Variants in FOLH1 observed in about 807,000 individuals in gnomAD.
FOLH1 encodes the protein glutamate carboxypeptidase 2.
FOLH1 carries 54 observed loss-of-function variants against 93.9 expected under a neutral mutation model. The ratio of observed to expected loss-of-function variants is 0.57; its 90% CI spans 0.46 to 0.72. FOLH1 has a LOEUF of 0.72. Among genes scored for constraint, FOLH1 ranks in the 30% least tolerant of loss-of-function variants. FOLH1 has a pLI of 0.00. For synonymous variants in FOLH1, 249 were observed against 303.6 expected (o/e 0.82, Z 1.87); for missense variants, 571 against 892.5 (o/e 0.64, Z 4.59).
intron 12 of FOLH1, among the ~76,000 whole-genome samples, chr11:49,165,597 G>T (rs1353882904): frequency 6.6e-6 from 1 of 152,108 alleles, no homozygotes; most frequent in African/African-American, 2.4e-5. Flanking sequence ...CTTGAACTGG[G>T]TTTTCTAGAA....
chr11:49,205,875 C>T (rs1863864643), intron 2 of FOLH1, among the ~76,000 whole-genome samples, 192 bp downstream of exon 2: 1 of 152,184 alleles, frequency 6.6e-6, no homozygotes, highest in Non-Finnish European at 1.5e-5. Context: ...TTGCTGACTC[C>T]TGCTCTAAAC....
chr11:49,208,077 G>T (rs1864171541), intron 1 of FOLH1: 1 of 627,766 alleles, frequency 1.6e-6, no homozygotes, highest in Admixed American at 2.7e-5. Context: ...CTGAGTGACT[G>T]TCCTACCAGC....
intron 13 of FOLH1, among the ~76,000 whole-genome samples, chr11:49,163,515 C>T (rs1409566100): frequency 6.7e-6 from 1 of 148,302 alleles, no homozygotes; most frequent in Non-Finnish European, 1.5e-5. Flanking sequence ...CCCACCACCA[C>T]CCAAGAGCTC....
intron 7 of FOLH1, 22 bp downstream of exon 7, chr11:49,183,127 C>A: frequency 6.4e-7 from 1 of 1,569,462 alleles, no homozygotes; most frequent in Non-Finnish European, 8.6e-7. Context: ...AAATAGCCAT[C>A]CATGGTTTCT....
chr11:49,206,288 T>C lies in FOLH1; in HGVS notation c.119-116A>G, dbSNP rs1863934963. On this transcript the variant is annotated intron_variant, in intron 1 of 18. Coordinates refer to ENST00000256999, the MANE Select transcript of FOLH1 (RefSeq NM_004476.3). ...CAAATTATCAATATTACCTCTGACA[T>C]TAGGTGAGATATTTCTGAATTTTAA... 5 of 1,439,096 alleles carry C rather than the reference T, an allele frequency of 3.5e-6. No homozygotes were observed. In the East Asian group the frequency reaches 1.2e-4, roughly 36 times the overall value. 89.1% of individuals were successfully genotyped at this position (1,439,096 alleles called of 1,614,324 possible).
At chr11:49,181,131 G>A (rs1208857814) in intron 7 of FOLH1, among the ~76,000 whole-genome samples, 6 of 145,302 alleles carry the variant, frequency 4.1e-5, no homozygotes, top group East Asian at 2.0e-4. Context: ...TTTTTGAGAC[G>A]GAGTCTCACT....
At chr11:49,194,163 A>G (rs1345027687) in intron 3 of FOLH1, among the ~76,000 whole-genome samples, 1 of 151,560 alleles carries the variant, frequency 6.6e-6, no homozygotes, top group Non-Finnish European at 1.5e-5. Flanking sequence ...AAAGAACAAC[A>G]ATATCCTTCA....
chr11:49,155,472 G>A (rs1433751196), intron 15 of FOLH1: 1 of 163,578 alleles, frequency 6.1e-6, no homozygotes, highest in African/African-American at 2.4e-5. Flanking sequence ...TTGGAGTTGA[G>A]CTCGATCTCT....
intron 2 of FOLH1, among the ~76,000 whole-genome samples, chr11:49,203,421 T>G (rs1265648883): frequency 3.9e-5 from 6 of 152,152 alleles, no homozygotes; most frequent in African/African-American, 1.4e-4. Context: ...GTGGGGGCTT[T>G]TAAGAGCAGA....
chr11:49,162,006 TG>T (rs1857758847), intron 13 of FOLH1, among the ~76,000 whole-genome samples: 1 of 152,238 alleles, frequency 6.6e-6, no homozygotes, highest in Admixed American at 6.5e-5. Flanking sequence ...GTTAGGCTGA[TG>T]GGCTTCCCTT....
At chr11:49,191,069 AGGCGCGATCTC>A (rs1418171833) in intron 4 of FOLH1, among the ~76,000 whole-genome samples, 1 of 152,148 alleles carries the variant, frequency 6.6e-6, no homozygotes, top group Non-Finnish European at 1.5e-5. Flanking sequence ...TGAGGTCAGG[AGGCGCGATCTC>A]GGCTCACTGC....
intron 4 of FOLH1, among the ~76,000 whole-genome samples, chr11:49,190,015 C>T (rs1861846315): frequency 6.6e-6 from 1 of 152,176 alleles, no homozygotes; most frequent in African/African-American, 2.4e-5. Flanking sequence ...AATCATAACA[C>T]TATATGTCTG....
In FOLH1 at chr11:49,145,685, A is replaced by G. The variant is rs1272432654; in HGVS notation, c.*1071T>C. 6.6e-6 allele frequency among the ~76,000 whole-genome samples: 1 copy of G among 152,186 alleles called. No individual in the cohort carries two copies. The highest frequency in any genetic ancestry group is 1.5e-5 in the Non-Finnish European group (1 of 68,024). On this transcript the variant is annotated 3_prime_UTR_variant, in exon 19 of 19. Coordinates refer to ENST00000256999, the MANE Select transcript of FOLH1 (RefSeq NM_004476.3). ...TGGCTGCTCCAAATTCACCATGGAG[A>G]CAAGAGCAATTCCTTACATCTGCTC... is the stretch of plus-strand genomic sequence containing the variant.
At chr11:49,155,912 T>C (rs762410298) in intron 15 of FOLH1, among the ~76,000 whole-genome samples, 16 of 148,986 alleles carry the variant, frequency 1.1e-4, no homozygotes, top group Non-Finnish European at 2.4e-4. Flanking sequence ...TGACTCTGTG[T>C]CCCCACCCAA....
chr11:49,184,277 A>G (rs919172356), intron 6 of FOLH1, among the ~76,000 whole-genome samples: 4 of 152,318 alleles, frequency 2.6e-5, no homozygotes, highest in South Asian at 2.1e-4. Flanking sequence ...ACTTTTGTAT[A>G]TGTTAGAATT....
At chr11:49,182,328 CAAAAAAAAA>C (rs59966842) in intron 7 of FOLH1, among the ~76,000 whole-genome samples, 3 of 59,978 alleles carry the variant, frequency 5.0e-5, no homozygotes, top group African/African-American at 1.5e-4. Flanking sequence ...GACACTGTCT[CAAAAAAAAA>C]AAAAAAAAAA....
At chr11:49,147,028 T>C in intron 18 of FOLH1, 83 bp from the exon 19 acceptor site, 2 of 1,450,114 alleles carry the variant, frequency 1.4e-6, no homozygotes, top group Non-Finnish European at 1.9e-6. Flanking sequence ...ATTCCTGGAT[T>C]GCATATTCCT....
At chr11:49,161,113 G>C (rs1051730024) in intron 13 of FOLH1, among the ~76,000 whole-genome samples, 34 of 152,064 alleles carry the variant, frequency 2.2e-4, no homozygotes, top group Non-Finnish European at 4.1e-4. Context: ...GTTGTTTCTG[G>C]GTGGAGAATT....
intron 4 of FOLH1, among the ~76,000 whole-genome samples, chr11:49,187,735 T>G (rs1306345292): frequency 2.0e-5 from 3 of 152,246 alleles, no homozygotes; most frequent in African/African-American, 7.2e-5. Flanking sequence ...TTGCTCCAGC[T>G]GCAGGGAAGG....
Sources: gnomAD v4.1 joint callset for allele counts (sites outside exome capture counted in the v4.1 genomes callset) on GRCh38, gnomAD v4.1.1 for gene constraint, MANE v1.5 for transcripts, NCBI Gene and HGNC (gene_info 2026-07-23, HGNC 2026-07-21) for gene names.